The following PACS1 variants were observed in gnomAD, a reference collection of about 807,000 sequenced individuals.
The protein encoded by PACS1 is PACS-1.
Under a neutral mutation model 115.0 loss-of-function variants are expected in PACS1, and 24 were observed. The observed-to-expected ratio is 0.21, with a 90% confidence interval of 0.15 to 0.29. The LOEUF (loss-of-function observed/expected upper bound fraction) is 0.29. Among genes scored for constraint, PACS1 ranks in the 10% least tolerant of loss-of-function variants. The pLI is 1.00. For missense variants in PACS1, 838 were observed against 1,251.2 expected (o/e 0.67, Z 4.98); for synonymous variants, 453 against 504.5 (o/e 0.90, Z 1.37).
intron 1 of PACS1, among the ~76,000 whole-genome samples, chr11:66,179,260 T>TA (rs1859945953): frequency 6.6e-6 from 1 of 152,230 alleles, no homozygotes; most frequent in South Asian, 2.1e-4. Context: ...TTTTCAGCCA[T>TA]AACTCAAGTT....
At chr11:66,132,784 T>C (rs1030733296) in intron 1 of PACS1, among the ~76,000 whole-genome samples, 1 of 152,186 alleles carries the variant, frequency 6.6e-6, no homozygotes, top group Non-Finnish European at 1.5e-5. Context: ...TTCTCATGCC[T>C]TAGTCTGCTG....
intron 1 of PACS1, among the ~76,000 whole-genome samples, chr11:66,180,698 A>G (rs1859989903): frequency 6.6e-6 from 1 of 151,246 alleles, no homozygotes; most frequent in Non-Finnish European, 1.5e-5. Flanking sequence ...TTGCTCTCTC[A>G]ACCAGGCTGG....
intron 1 of PACS1, among the ~76,000 whole-genome samples, chr11:66,175,352 A>G (rs1306908086): frequency 6.6e-6 from 1 of 151,876 alleles, no homozygotes; most frequent in Non-Finnish European, 1.5e-5. Context: ...TTGTGGATTC[A>G]TTTTTCTTTA....
Position 66,070,505 on chromosome 11 carries a change from G to T in PACS1, c.19G>T (p.Ala7Ser), listed in dbSNP as rs1203841178. Reference protein sequence around the residue: MAERGGAGGGPGGAGGG... With the variant: MAERGGSGGGPGGAGGG... ...CCGGGCCATGGCGGAACGCGGAGGG[G>T]CGGGCGGTGGTCCCGGAGGCGCCGG... Residue 7 changes from alanine to serine, a missense_variant, in exon 1 of 24, where the codon GCG (alanine) becomes TCG (serine). This residue lies in a region of PACS1 where 15 missense variants were observed against 39.0 expected (regional missense o/e 0.38). Coordinates refer to ENST00000320580, the MANE Select transcript of PACS1 (RefSeq NM_018026.4). The surrounding 1 kb of genome is among the most constrained non-coding windows in gnomAD (Gnocchi z 5.9). 1 of 1,306,278 alleles carries T rather than the reference G, an allele frequency of 7.7e-7. No homozygotes were observed. Among genetic ancestry groups the T allele is most frequent in the Non-Finnish European group, 9.7e-7 (1 of 1,035,424 alleles). 80.9% of individuals were successfully genotyped at this position (1,306,278 alleles called of 1,614,324 possible).
At chr11:66,149,708 T>C (rs890827615) in intron 1 of PACS1, among the ~76,000 whole-genome samples, 1 of 147,754 alleles carries the variant, frequency 6.8e-6, no homozygotes, top group Non-Finnish European at 1.5e-5. Flanking sequence ...GTGTGTGTGT[T>C]TTACATGTCT....
intron 1 of PACS1, among the ~76,000 whole-genome samples, chr11:66,155,789 G>A (rs1346024326): frequency 1.3e-5 from 2 of 152,062 alleles, no homozygotes; most frequent in African/African-American, 4.8e-5. Flanking sequence ...TTGTAGCAGC[G>A]TATTCATGAC....
intron 1 of PACS1, among the ~76,000 whole-genome samples, chr11:66,101,450 C>T (rs1024651864): frequency 6.6e-6 from 1 of 152,060 alleles, no homozygotes; most frequent in African/African-American, 2.4e-5. Flanking sequence ...TGGAGAAATC[C>T]CTATAAATCA....
rs898123210 is a variant in PACS1 at position 66,168,305 on chromosome 11, G to A, written c.357-25181G>A. Among the ~76,000 whole-genome samples, 21 of 150,594 alleles carry A rather than the reference G, an allele frequency of 1.4e-4. 1 individual carries two copies. Among genetic ancestry groups the A allele is most frequent in the Non-Finnish European group, 4.4e-5 (3 of 68,042 alleles). Reference sequence around the variant, plus strand: ...TATATCAATTTGGAGGAGAATCAACGTATCAATGCTAGAGTGTCTCTTGTG... The same window carrying A: ...TATATCAATTTGGAGGAGAATCAACATATCAATGCTAGAGTGTCTCTTGTG... On this transcript the variant is annotated intron_variant, in intron 1 of 23. Transcript: ENST00000320580.
At chr11:66,120,574 CAT>C (rs1235807411) in intron 1 of PACS1, among the ~76,000 whole-genome samples, 2 of 152,258 alleles carry the variant, frequency 1.3e-5, no homozygotes, top group South Asian at 4.1e-4. Flanking sequence ...GGAAGCTAGA[CAT>C]GTATTAGATT....
chr11:66,219,203 T>C (rs796795621), intron 7 of PACS1, among the ~76,000 whole-genome samples: 16 of 151,998 alleles, frequency 1.1e-4, no homozygotes, highest in African/African-American at 3.9e-4. Flanking sequence ...AAGGCCTGAC[T>C]GGAAACAGTG....
chr11:66,199,700 A>G (rs1045803543), intron 2 of PACS1, among the ~76,000 whole-genome samples: 2 of 152,186 alleles, frequency 1.3e-5, no homozygotes, highest in Non-Finnish European at 2.9e-5. Context: ...TGCAATCAAA[A>G]GACGTGGAGT....
chr11:66,206,854 C>T (rs1421128721), intron 2 of PACS1, among the ~76,000 whole-genome samples: 1 of 152,080 alleles, frequency 6.6e-6, no homozygotes, highest in Non-Finnish European at 1.5e-5. Context: ...GGCCCTCAGG[C>T]CTTCATATTC....
At chr11:66,105,818 A>G (rs1236141101) in intron 1 of PACS1, among the ~76,000 whole-genome samples, 4 of 152,200 alleles carry the variant, frequency 2.6e-5, no homozygotes, top group African/African-American at 9.7e-5. Flanking sequence ...TTATCCTGAG[A>G]TACACAGCTA....
intron 8 of PACS1, chr11:66,220,366 T>A (rs1855314325): frequency 2.2e-6 from 1 of 462,018 alleles, no homozygotes; most frequent in South Asian, 2.9e-5. Flanking sequence ...ACATGGGCGA[T>A]GGGCCTCGGG....
At chr11:66,178,560 T>C (rs1466630352) in intron 1 of PACS1, among the ~76,000 whole-genome samples, 2 of 152,344 alleles carry the variant, frequency 1.3e-5, no homozygotes, top group Non-Finnish European at 2.9e-5. Context: ...CAGTATTTAC[T>C]GTATTAAAAT....
intron 1 of PACS1, among the ~76,000 whole-genome samples, chr11:66,081,699 G>A (rs1372108368): frequency 6.6e-6 from 1 of 152,198 alleles, no homozygotes; most frequent in Admixed American, 6.5e-5. Context: ...CCACAGCTTT[G>A]TTTTGAGCCA....
At chr11:66,122,995 G>A (rs1417495787) in intron 1 of PACS1, among the ~76,000 whole-genome samples, 2 of 152,100 alleles carry the variant, frequency 1.3e-5, no homozygotes, top group Non-Finnish European at 2.9e-5. Context: ...CAAATGTATT[G>A]CATACTTTAG....
intron 1 of PACS1, among the ~76,000 whole-genome samples, chr11:66,085,520 G>A (rs984326538): frequency 5.9e-5 from 9 of 152,214 alleles, no homozygotes; most frequent in Admixed American, 4.6e-4. Flanking sequence ...TGACAGCTGG[G>A]TTTTCATTTG....
chr11:66,140,898 T>C (rs1371268762), intron 1 of PACS1, among the ~76,000 whole-genome samples: 2 of 152,158 alleles, frequency 1.3e-5, no homozygotes, highest in Non-Finnish European at 2.9e-5. Flanking sequence ...TTTCCACATG[T>C]CCACATGAAG....
Sources: gnomAD v4.1 joint callset for allele counts (sites outside exome capture counted in the v4.1 genomes callset) on GRCh38, gnomAD v4.1.1 for gene constraint, gnomAD v4.1.1 regional missense constraint, Gnocchi (gnomAD v3.1) non-coding constraint, MANE v1.5 for transcripts, NCBI Gene and HGNC (gene_info 2026-07-23, HGNC 2026-07-21) for gene names.